GPC6: variants seen among roughly 807,000 people sequenced by gnomAD.
The protein encoded by GPC6 is glypican 6, also known as glypican-6.
In GPC6, 14 loss-of-function variants were observed where a neutral mutation model predicts 55.2. The observed-to-expected ratio is 0.25, with a 90% CI of 0.17 to 0.40. GPC6 has a LOEUF of 0.40. Ranked by LOEUF, GPC6 falls within the 10% of genes least tolerant of loss-of-function variation. The pLI is 1.00. For missense variants in GPC6, 641 were observed against 708.5 expected (o/e 0.90, Z 1.08); for synonymous variants, 278 against 259.6 (o/e 1.07, Z -0.68).
intron 3 of GPC6, among the ~76,000 whole-genome samples, chr13:93,982,159 T>C (rs1207856232): frequency 6.6e-6 from 1 of 152,190 alleles, no homozygotes; most frequent in Non-Finnish European, 1.5e-5. Context: ...ATGGGGCCTA[T>C]GGTCTTCTAA....
intron 1 of GPC6, among the ~76,000 whole-genome samples, chr13:93,388,818 C>A (rs1185323160): frequency 2.2e-4 from 34 of 152,186 alleles, no homozygotes; most frequent in Non-Finnish European, 5.9e-5. Flanking sequence ...AGGCCAATAA[C>A]TTCATAGGTT....
At chr13:93,357,155 A>G (rs563860844) in intron 1 of GPC6, among the ~76,000 whole-genome samples, 1 of 152,172 alleles carries the variant, frequency 6.6e-6, no homozygotes, top group South Asian at 2.1e-4. Context: ...AGCAGAGTGA[A>G]TCACCTTCAT....
At chr13:93,855,591 C>T (rs1343350134) in intron 3 of GPC6, among the ~76,000 whole-genome samples, 3 of 151,636 alleles carry the variant, frequency 2.0e-5, no homozygotes, top group African/African-American at 7.3e-5. Flanking sequence ...GAGAAACTGA[C>T]AAACTGTCTT....
At chr13:93,260,430 A>C (rs983688577) in intron 1 of GPC6, among the ~76,000 whole-genome samples, 1 of 152,236 alleles carries the variant, frequency 6.6e-6, no homozygotes, top group South Asian at 2.1e-4. Flanking sequence ...TCTCAGTGTC[A>C]AACTCCATAG....
rs1263237827 is a variant in GPC6, at chr13:93,619,439, A to G, written c.319+74018A>G. On this transcript the variant is annotated intron_variant, in intron 2 of 8. Coordinates refer to ENST00000377047, the MANE Select transcript of GPC6 (RefSeq NM_005708.5). ...AACTAAGGAAGTGTCTATGTTCTTT[A>G]CACTTTTTTGTTGTTGTTCTGTTTT... is the stretch of plus-strand genomic sequence containing the variant. Among the ~76,000 whole-genome samples the G allele has an allele frequency of 3.3e-5, 5 of 152,116 alleles. No homozygotes were observed. In the East Asian group the frequency reaches 9.6e-4, roughly 29 times the overall value.
chr13:93,649,289 A>C (rs1004715780), intron 2 of GPC6, among the ~76,000 whole-genome samples: 1 of 152,122 alleles, frequency 6.6e-6, no homozygotes, highest in Admixed American at 6.6e-5. Context: ...TGTTTCTACA[A>C]AAATTTAAAA....
chr13:94,372,770 C>A (rs1446676226), intron 6 of GPC6, among the ~76,000 whole-genome samples: 1 of 152,202 alleles, frequency 6.6e-6, no homozygotes, highest in Admixed American at 6.5e-5. Flanking sequence ...AGGGCACAAA[C>A]AAACAAAAAG....
chr13:93,656,254 A>G (rs1288847318), intron 2 of GPC6, among the ~76,000 whole-genome samples: 2 of 152,180 alleles, frequency 1.3e-5, no homozygotes, highest in African/African-American at 4.8e-5. Flanking sequence ...AAGTAAATCA[A>G]GACAAGAAAG....
intron 1 of GPC6, among the ~76,000 whole-genome samples, chr13:93,228,154 G>C (rs1875873730): frequency 6.6e-6 from 1 of 152,142 alleles, no homozygotes; most frequent in Admixed American, 6.5e-5. Context: ...AGCGCCCGGC[G>C]CTCGGGCCGG....
At chr13:94,010,581 G>A (rs1226709603) in intron 3 of GPC6, among the ~76,000 whole-genome samples, 1 of 152,088 alleles carries the variant, frequency 6.6e-6, no homozygotes, top group Non-Finnish European at 1.5e-5. Context: ...ATGGCAATAT[G>A]CAATAAACTC....
At chr13:93,475,801 T>C (rs902398885) in intron 1 of GPC6, among the ~76,000 whole-genome samples, 13 of 152,170 alleles carry the variant, frequency 8.5e-5, no homozygotes, top group African/African-American at 3.1e-4. Flanking sequence ...GAGATCTAGA[T>C]AGGCTGAGGT....
chr13:93,440,478 G>A (rs1262921452), intron 1 of GPC6, among the ~76,000 whole-genome samples: 1 of 152,178 alleles, frequency 6.6e-6, no homozygotes, highest in East Asian at 1.9e-4. Flanking sequence ...ATACAAGTTG[G>A]AAAGTAGAAA....
intron 2 of GPC6, among the ~76,000 whole-genome samples, chr13:93,725,678 T>C (rs572713565): frequency 6.6e-6 from 1 of 152,176 alleles, no homozygotes; most frequent in African/African-American, 2.4e-5. Context: ...AGTCATTAAG[T>C]TGTTGTACTT....
chr13:93,555,732 G>A (rs765393323), intron 2 of GPC6, among the ~76,000 whole-genome samples: 11 of 152,254 alleles, frequency 7.2e-5, no homozygotes, highest in South Asian at 2.1e-4. Flanking sequence ...ACACACAGGC[G>A]TGAATAAGAA....
At chr13:93,489,690 C>T (rs1272282220) in intron 1 of GPC6, among the ~76,000 whole-genome samples, 3 of 151,530 alleles carry the variant, frequency 2.0e-5, no homozygotes, top group African/African-American at 7.2e-5. Flanking sequence ...CCTTCACGTC[C>T]CTTGTAAGTT....
intron 4 of GPC6, among the ~76,000 whole-genome samples, chr13:94,148,507 A>T (rs1312219461): frequency 6.7e-6 from 1 of 150,014 alleles, no homozygotes; most frequent in Non-Finnish European, 1.5e-5. Flanking sequence ...CAATGGAAAT[A>T]TAAGATATTA....
intron 2 of GPC6, among the ~76,000 whole-genome samples, chr13:93,602,030 T>C (rs552048381): frequency 6.6e-6 from 1 of 152,306 alleles, no homozygotes; most frequent in African/African-American, 2.4e-5. Context: ...ATGGCCCCCA[T>C]GTGATTCACC....
chr13:94,296,952 T>C lies in GPC6; in HGVS notation c.1009-9028T>C, dbSNP rs77410109. Among the ~76,000 whole-genome samples the C allele has an allele frequency of 9.9e-5, 15 of 151,304 alleles. No individual in the cohort carries two copies. The East Asian group carries it at 3.0e-3, about 31-fold the overall frequency. ...AACTGTAAGTTTATACAACTTAATT[T>C]TTAATAATCAATGCGTTTGTTAATA... is the stretch of plus-strand genomic sequence containing the variant. On this transcript the variant is annotated intron_variant, in intron 5 of 8. Transcript: ENST00000377047.
intron 1 of GPC6, among the ~76,000 whole-genome samples, chr13:93,467,789 T>G (rs1401218545): frequency 2.0e-5 from 3 of 151,818 alleles, no homozygotes; most frequent in African/African-American, 7.3e-5. Flanking sequence ...CAGTTTCTCC[T>G]TATCTTGCAC....
Sources: allele counts gnomAD v4.1 joint callset (sites outside exome capture counted in the v4.1 genomes callset), GRCh38; gene constraint gnomAD v4.1.1; transcripts MANE v1.5; gene names NCBI Gene and HGNC (gene_info 2026-07-23, HGNC 2026-07-21).